The following KAZN variants were observed in gnomAD, a reference collection of about 807,000 sequenced individuals.
KAZN encodes kazrin, periplakin interacting protein.
In KAZN, 40 loss-of-function variants were observed where a neutral mutation model predicts 87.4. The ratio of observed to expected loss-of-function variants is 0.46; its 90% CI spans 0.36 to 0.60. The LOEUF is 0.60. KAZN is among the 20% of genes least tolerant of loss of function. KAZN has a pLI of 0.00. For missense variants in KAZN, 898 were observed against 1,073.9 expected (o/e 0.84, Z 2.29); for synonymous variants, 466 against 458.3 (o/e 1.02, Z -0.22).
intron 2 of KAZN, among the ~76,000 whole-genome samples, chr1:14,397,861 CAAAA>C (rs761120479): frequency 7.4e-5 from 3 of 40,644 alleles, no homozygotes; most frequent in East Asian, 1.3e-3. Flanking sequence ...AACTCCATCT[CAAAA>C]AAAAAAAAAA....
intron 2 of KAZN, among the ~76,000 whole-genome samples, chr1:14,500,812 A>G (rs962044528): frequency 3.3e-5 from 5 of 152,184 alleles, no homozygotes; most frequent in African/African-American, 4.8e-5. Flanking sequence ...AGGAAATACT[A>G]TGCACATTGT....
At chr1:13,893,593 G>A (rs1426557373) in exon 1 of KAZN, 21 of 1,516,612 alleles carry the variant, frequency 1.4e-5, no homozygotes, top group Non-Finnish European at 1.6e-5. Context: ...GGCCAGCGAC[G>A]GCATCCTTTG....
intron 1 of KAZN, among the ~76,000 whole-genome samples, chr1:14,151,766 A>G (rs1035682424): frequency 1.3e-5 from 2 of 152,254 alleles, no homozygotes; most frequent in Non-Finnish European, 2.9e-5. Flanking sequence ...GCCTTTGGCC[A>G]TCCCTCATCA....
chr1:14,729,181 G>A (rs1406347502), intron 1 of KAZN, among the ~76,000 whole-genome samples: 1 of 152,170 alleles, frequency 6.6e-6, no homozygotes, highest in Non-Finnish European at 1.5e-5. Context: ...CACGTCTAGG[G>A]CCTGTGAAAA....
chr1:14,079,672 A>C (rs1643597747), intron 1 of KAZN, among the ~76,000 whole-genome samples: 1 of 152,250 alleles, frequency 6.6e-6, no homozygotes, highest in African/African-American at 2.4e-5. Context: ...TAATAATAAA[A>C]GCAAACTATT....
chr1:14,667,515 T>C (rs1401239100), intron 1 of KAZN, among the ~76,000 whole-genome samples: 1 of 152,194 alleles, frequency 6.6e-6, no homozygotes, highest in Non-Finnish European at 1.5e-5. Context: ...CATTTGAGGG[T>C]ATGAATTAAT....
chr1:14,402,996 T>A (rs547039768), intron 2 of KAZN, among the ~76,000 whole-genome samples: 1 of 152,254 alleles, frequency 6.6e-6, no homozygotes, highest in African/African-American at 2.4e-5. Context: ...CTGGCTAATT[T>A]TTGTATTTCT....
At chr1:14,305,755 G>C (rs1654880630) in intron 2 of KAZN, among the ~76,000 whole-genome samples, 1 of 151,942 alleles carries the variant, frequency 6.6e-6, no homozygotes, top group African/African-American at 2.4e-5. Flanking sequence ...AGATGAACAG[G>C]CCTCAGGTCT....
intron 2 of KAZN, among the ~76,000 whole-genome samples, chr1:14,342,607 T>C (rs1335748414): frequency 6.6e-6 from 1 of 152,044 alleles, no homozygotes; most frequent in Non-Finnish European, 1.5e-5. Flanking sequence ...CCGAACCCAA[T>C]GCTTGGCACA....
intron 1 of KAZN, among the ~76,000 whole-genome samples, chr1:14,076,274 C>T (rs1238241842): frequency 6.6e-6 from 1 of 151,562 alleles, no homozygotes; most frequent in African/African-American, 2.4e-5. Flanking sequence ...GAGCGAGACT[C>T]CGTCTAAAAA....
chr1:15,050,421 C>T (rs1032856394), intron 4 of KAZN, among the ~76,000 whole-genome samples: 9 of 152,126 alleles, frequency 5.9e-5, no homozygotes, highest in Non-Finnish European at 1.0e-4. Flanking sequence ...CACATGTCAC[C>T]TTTAACCTTT....
At position 15,037,726 on chromosome 1, in the gene KAZN, C is replaced by T. The variant is rs534732243; in HGVS notation, c.555+2841C>T. The stretch of plus-strand genomic sequence containing the variant: ...CTGTTGTTGGTCTCACTGGCAAACC[C>T]GGAGAAGGAAACGAAGGCCCCGGGT... On this transcript the variant is annotated intron_variant, in intron 3 of 14. Transcript: ENST00000376030. 3.3e-5 allele frequency among the ~76,000 whole-genome samples: 5 copies of T among 152,212 alleles called. No homozygotes were observed. In the South Asian group the frequency reaches 6.2e-4, roughly 19 times the overall value.
intron 1 of KAZN, among the ~76,000 whole-genome samples, chr1:14,749,231 GCAACTAGCAAT>G (rs569381612): frequency 2.8e-3 from 425 of 152,322 alleles, no homozygotes; most frequent in Non-Finnish European, 3.4e-3. Flanking sequence ...GCTATGGGCA[GCAACTAGCAAT>G]CAACTGCAAT....
At chr1:14,982,201 C>T (rs1235743559) in intron 2 of KAZN, among the ~76,000 whole-genome samples, 3 of 151,970 alleles carry the variant, frequency 2.0e-5, no homozygotes, top group Admixed American at 2.0e-4. Context: ...GTGGAGGAGC[C>T]GGGTCAGCAC....
chr1:14,017,646 C>T (rs531553475), intron 1 of KAZN, among the ~76,000 whole-genome samples: 13 of 152,294 alleles, frequency 8.5e-5, no homozygotes, highest in Non-Finnish European at 1.8e-4. Flanking sequence ...GAGGCTCTGT[C>T]GGGTTCAGTG....
At chr1:14,835,530 C>T (rs974284415) in intron 1 of KAZN, among the ~76,000 whole-genome samples, 4 of 152,062 alleles carry the variant, frequency 2.6e-5, no homozygotes, top group African/African-American at 9.7e-5. Flanking sequence ...ACAACAGCCC[C>T]AGTAAAGTTA....
At chr1:14,920,284 T>TTTG (rs1181655176) in intron 1 of KAZN, among the ~76,000 whole-genome samples, 16 of 146,490 alleles carry the variant, frequency 1.1e-4, no homozygotes, top group Non-Finnish European at 2.0e-4. Flanking sequence ...CTGTTTTTTT[T>TTTG]TTTTTTTTTT....
intron 2 of KAZN, among the ~76,000 whole-genome samples, chr1:14,966,843 G>C (rs1266902778): frequency 6.6e-6 from 1 of 152,056 alleles, no homozygotes; most frequent in Non-Finnish European, 1.5e-5. Flanking sequence ...AGCTAATTTT[G>C]TATTTTTAAT....
At chr1:14,228,364 T>C (rs1034274890) in intron 2 of KAZN, among the ~76,000 whole-genome samples, 1 of 152,168 alleles carries the variant, frequency 6.6e-6, no homozygotes, top group Admixed American at 6.5e-5. Context: ...ATAATCTATA[T>C]AGGATGATAA....
Sources: gnomAD v4.1 joint callset for allele counts (sites outside exome capture counted in the v4.1 genomes callset) on GRCh38, gnomAD v4.1.1 for gene constraint, MANE v1.5 for transcripts, NCBI Gene and HGNC (gene_info 2026-07-23, HGNC 2026-07-21) for gene names.